Variants in SPIRE1 observed in about 807,000 individuals in gnomAD.
The protein encoded by SPIRE1 is protein spire homolog 1.
SPIRE1 carries 40 observed loss-of-function variants against 94.1 expected under a neutral mutation model. The observed-to-expected ratio is 0.43, with a 90% CI of 0.33 to 0.55. SPIRE1 has a LOEUF of 0.55. Among genes scored for constraint, SPIRE1 ranks in the 20% least tolerant of loss-of-function variants. The pLI is 0.06. For missense variants in SPIRE1, 838 were observed against 975.2 expected (o/e 0.86, Z 1.87); for synonymous variants, 376 against 371.7 (o/e 1.01, Z -0.13).
intron 9 of SPIRE1, among the ~76,000 whole-genome samples, chr18:12,481,365 G>A (rs547318615): frequency 6.1e-4 from 91 of 150,228 alleles, no homozygotes; most frequent in African/African-American, 2.0e-3. Flanking sequence ...GAGAGGTAGA[G>A]CTCCAGGAAA....
intron 2 of SPIRE1, among the ~76,000 whole-genome samples, chr18:12,621,195 TA>T (rs1162043072): frequency 4.6e-5 from 7 of 152,148 alleles, no homozygotes; most frequent in Non-Finnish European, 1.0e-4. Context: ...TTACATGCAC[TA>T]GGATGCCCAG....
At chr18:12,492,803 T>C (rs907237867) in intron 8 of SPIRE1, among the ~76,000 whole-genome samples, 1 of 152,176 alleles carries the variant, frequency 6.6e-6, no homozygotes, top group Non-Finnish European at 1.5e-5. Context: ...GCAGAGCTCT[T>C]TCAATTACGG....
At chr18:12,526,456 T>C (rs1273817724) in intron 4 of SPIRE1, among the ~76,000 whole-genome samples, 1 of 152,096 alleles carries the variant, frequency 6.6e-6, no homozygotes, top group Non-Finnish European at 1.5e-5. Flanking sequence ...CGGTGCTGGA[T>C]GACATGCTCC....
intron 4 of SPIRE1, among the ~76,000 whole-genome samples, chr18:12,524,596 T>TA (rs1328331682): frequency 1.3e-5 from 2 of 152,182 alleles, no homozygotes; most frequent in Admixed American, 6.5e-5. Context: ...ATGAATAATT[T>TA]AACATTTAAG....
At chr18:12,631,231 G>T (rs1414571569) in intron 2 of SPIRE1, among the ~76,000 whole-genome samples, 1 of 150,916 alleles carries the variant, frequency 6.6e-6, no homozygotes, top group African/African-American at 2.4e-5. Flanking sequence ...TTTTTAATGT[G>T]GGCTATAATC....
At chr18:12,476,541 C>CAAAAAAA (rs558968043) in intron 10 of SPIRE1, among the ~76,000 whole-genome samples, 1 of 46,840 alleles carries the variant, frequency 2.1e-5, no homozygotes, top group Non-Finnish European at 5.6e-5. Context: ...ACTCTGTCTC[C>CAAAAAAA]AAAAAAAAAA....
intron 1 of SPIRE1, among the ~76,000 whole-genome samples, chr18:12,656,259 T>G (rs2038535265): frequency 6.6e-6 from 1 of 152,158 alleles, no homozygotes; most frequent in African/African-American, 2.4e-5. Context: ...AAATTATAAT[T>G]GCAAGTATTT....
chr18:12,473,001 G>A (rs1290260935), intron 10 of SPIRE1, among the ~76,000 whole-genome samples: 1 of 151,562 alleles, frequency 6.6e-6, no homozygotes, highest in African/African-American at 2.4e-5. Flanking sequence ...TGCCATGTTG[G>A]CCAGGCTGGT....
intron 4 of SPIRE1, among the ~76,000 whole-genome samples, chr18:12,513,480 A>T (rs2034099910): frequency 6.7e-6 from 1 of 148,932 alleles, no homozygotes; most frequent in Non-Finnish European, 1.5e-5. Context: ...GAGAATAATG[A>T]ATACTTAACT....
chr18:12,551,004 A>T (rs546850680), intron 2 of SPIRE1, among the ~76,000 whole-genome samples: 2 of 152,198 alleles, frequency 1.3e-5, no homozygotes, highest in Non-Finnish European at 2.9e-5. Flanking sequence ...TACATAGCCA[A>T]TGCTATGAAT....
intron 4 of SPIRE1, among the ~76,000 whole-genome samples, chr18:12,530,705 C>T (rs143092449): frequency 5.9e-5 from 9 of 152,160 alleles, no homozygotes; most frequent in African/African-American, 2.2e-4. Context: ...TGGTATGATT[C>T]ACCAATAAAG....
intron 4 of SPIRE1, among the ~76,000 whole-genome samples, chr18:12,525,296 A>AG (rs1332506311): frequency 8.3e-6 from 1 of 120,172 alleles, no homozygotes; most frequent in African/African-American, 3.3e-5. Context: ...AAAAAAAAAA[A>AG]AATAATAATA....
At chr18:12,576,134 G>C (rs12957688) in intron 2 of SPIRE1, among the ~76,000 whole-genome samples, 72,465 of 151,662 alleles carry the variant, frequency 0.48, 18,045 homozygotes, top group Middle Eastern at 0.6. Context: ...ACCCAGGAGG[G>C]AGAGGTTGCA....
chr18:12,603,805 C>T (rs1430002604), intron 2 of SPIRE1, among the ~76,000 whole-genome samples: 2 of 152,130 alleles, frequency 1.3e-5, no homozygotes, highest in African/African-American at 4.8e-5. Flanking sequence ...GAACTCCTGA[C>T]CTTGTGATCT....
At chr18:12,492,077 C>T (rs949505979) in intron 8 of SPIRE1, among the ~76,000 whole-genome samples, 7 of 152,198 alleles carry the variant, frequency 4.6e-5, no homozygotes, top group African/African-American at 1.4e-4. Flanking sequence ...GACAGCTGGA[C>T]GTATGAGTCT....
chr18:12,487,406 T>C (rs921273369), intron 8 of SPIRE1, among the ~76,000 whole-genome samples: 5 of 148,998 alleles, frequency 3.4e-5, no homozygotes, highest in East Asian at 2.0e-4. Context: ...TTCTTTCTTT[T>C]TTTTTTTTTT....
intron 3 of SPIRE1, among the ~76,000 whole-genome samples, chr18:12,539,424 G>T (rs1469077346): frequency 6.6e-6 from 1 of 152,054 alleles, no homozygotes; most frequent in Non-Finnish European, 1.5e-5. Context: ...TAGCCACGTG[G>T]AACTGTGAGT....
chr18:12,488,577 T>G (rs1039997733), intron 8 of SPIRE1, among the ~76,000 whole-genome samples: 1 of 152,052 alleles, frequency 6.6e-6, no homozygotes, highest in Non-Finnish European at 1.5e-5. Flanking sequence ...TAATTTTTAT[T>G]TACAACCCAA....
chr18:12,645,774 T>C (rs1184901614), intron 1 of SPIRE1, among the ~76,000 whole-genome samples: 1 of 152,114 alleles, frequency 6.6e-6, no homozygotes, highest in Non-Finnish European at 1.5e-5. Flanking sequence ...AACCCTTCCA[T>C]AGCTCTCCAC....
Sources: gnomAD v4.1 joint callset for allele counts (sites outside exome capture counted in the v4.1 genomes callset) on GRCh38, gnomAD v4.1.1 for gene constraint, MANE v1.5 for transcripts, NCBI Gene and HGNC (gene_info 2026-07-23, HGNC 2026-07-21) for gene names.